The following GLG1 variants were observed in gnomAD, a reference collection of about 807,000 sequenced individuals.
GLG1 encodes the protein golgi glycoprotein 1, also known as Golgi apparatus protein 1.
Under a neutral mutation model 160.5 loss-of-function variants are expected in GLG1, and 38 were observed. The observed-to-expected ratio is 0.24, with a 90% CI of 0.18 to 0.31. The LOEUF is 0.31. Among genes scored for constraint, GLG1 ranks in the 10% least tolerant of loss-of-function variants. The pLI is 1.00. For synonymous variants in GLG1, 644 were observed against 543.4 expected (o/e 1.19, Z -2.57); for missense variants, 1,373 against 1,505.2 (o/e 0.91, Z 1.45).
chr16:74,532,209 T>G lies in GLG1; in HGVS notation c.439-56A>C, dbSNP rs182132537. 3,033 of 625,048 alleles carry G rather than the reference T, an allele frequency of 4.9e-3. 75 individuals carry two copies. In the African/African-American group the frequency reaches 0.053, roughly 11 times the overall value. 38.7% of individuals were successfully genotyped at this position (625,048 alleles called of 1,614,324 possible). On this transcript the variant is annotated intron_variant, in intron 1 of 25. Coordinates refer to ENST00000422840, the MANE Select transcript of GLG1 (RefSeq NM_001145667.2). ...AAAAAAAAAAATATATATATATATA[T>G]ATAGAGAACCTTTCAAGTTTTCAAA...
chr16:74,592,206 G>T (rs1401318438), intron 1 of GLG1, among the ~76,000 whole-genome samples: 1 of 152,142 alleles, frequency 6.6e-6, no homozygotes, highest in Admixed American at 6.5e-5. Context: ...GCAATAGAGC[G>T]ATCTTGGCTC....
chr16:74,603,231 G>GA (rs1958485318), intron 1 of GLG1, among the ~76,000 whole-genome samples: 1 of 151,948 alleles, frequency 6.6e-6, no homozygotes, highest in Non-Finnish European at 1.5e-5. Flanking sequence ...CCAACATGGT[G>GA]AAACTCTGTC....
intron 11 of GLG1, among the ~76,000 whole-genome samples, chr16:74,478,834 G>A: frequency 6.7e-6 from 1 of 148,496 alleles, no homozygotes. Context: ...CGGAGATTGT[G>A]GTGAGCCGAG....
intron 22 of GLG1, among the ~76,000 whole-genome samples, 184 bp from the exon 23 acceptor site, chr16:74,459,973 A>AG (rs903351215): frequency 2.6e-5 from 4 of 151,250 alleles, no homozygotes; most frequent in Non-Finnish European, 5.9e-5. Context: ...CTCCTGCCTC[A>AG]GCCTCTTGAG....
intron 3 of GLG1, among the ~76,000 whole-genome samples, chr16:74,506,572 A>T (rs1226835186): frequency 1.1e-5 from 1 of 94,186 alleles, no homozygotes; most frequent in Non-Finnish European, 2.2e-5. Flanking sequence ...ACAGAGCAAG[A>T]CTCCGTCTCA....
Position 74,607,091 on chromosome 16 carries a change from C to G in GLG1, c.4G>C (p.Ala2Pro), listed in dbSNP as rs1597394728. The change falls in exon 1 of 26, where the codon GCG becomes CCG. Residue 2 changes from alanine to proline, a missense_variant. Ala to Pro is a conservative substitution (Grantham distance 27). This residue lies in a region of GLG1 where 322 missense variants were observed against 254.6 expected (regional missense o/e 1.26). Coordinates refer to ENST00000422840, the MANE Select transcript of GLG1 (RefSeq NM_001145667.2). M[A>P]ACGRVRRMFR... is the part of the protein sequence containing the mutation. ...ATCCTCCGTACACGTCCACACGCCG[C>G]CATCTTGAGTCCGCGGCGAGCTCGA... 6.5e-7 allele frequency: 1 copy of G among 1,539,066 alleles called. No individual in the cohort carries two copies. The highest frequency in any genetic ancestry group is 1.2e-5 in the South Asian group (1 of 85,024).
intron 1 of GLG1, among the ~76,000 whole-genome samples, chr16:74,570,099 G>T (rs955130825): frequency 6.6e-6 from 1 of 151,146 alleles, no homozygotes; most frequent in Non-Finnish European, 1.5e-5. Context: ...AAGACAAATG[G>T]TTTTTGCTCC....
chr16:74,606,638 C>T lies in GLG1; in HGVS notation c.438+19G>A, dbSNP rs773018545. On this transcript the variant is annotated intron_variant, in intron 1 of 25. Transcript: ENST00000422840. ...CCCGCACCAGGCCTGGCCCTCCCGG[C>T]TTCGTCCCACCTCCTCACCTCCCTC... 1 of 1,535,822 alleles carries T rather than the reference C, an allele frequency of 6.5e-7. No homozygotes were observed. The highest frequency in any genetic ancestry group is 2.0e-5 in the Admixed American group (1 of 49,034).
intron 22 of GLG1, 83 bp downstream of exon 22, chr16:74,462,011 G>C: frequency 2.8e-6 from 2 of 727,060 alleles, no homozygotes; most frequent in Non-Finnish European, 4.9e-6. Context: ...CACGGCTGAA[G>C]GGAGAGAAAG....
At chr16:74,455,162 T>TC (rs2014484451) in intron 25 of GLG1, among the ~76,000 whole-genome samples, 1 of 152,200 alleles carries the variant, frequency 6.6e-6, no homozygotes, top group South Asian at 2.1e-4. Context: ...TCCACTGCTT[T>TC]CCCTAACGGA....
In GLG1 at chr16:74,509,163, ATTTTTTTTTT is replaced by A. The variant is rs11295055; in HGVS notation, c.472-248_472-239del. 1.0e-4 allele frequency among the ~76,000 whole-genome samples: 9 copies of A among 89,642 alleles called. No individual in the cohort carries two copies. The South Asian group carries it at 2.2e-3, about 22-fold the overall frequency. The allele number at this position is 89,642 out of a possible 152,430, so 58.8% of individuals were successfully genotyped here. A position where few individuals can be genotyped will look rare whatever the true frequency, so the allele number is the denominator to read the frequency against. On this transcript the variant is annotated intron_variant, in intron 2 of 25. Transcript: ENST00000422840. ...TTTTTGTCGTTTTTACTAAAGGACA[ATTTTTTTTTT>A]TTTTTTTTTTTTTTTTGAGACAGAG... is the stretch of plus-strand genomic sequence containing the variant.
chr16:74,541,680 A>C (rs1456164088), intron 1 of GLG1, among the ~76,000 whole-genome samples: 1 of 152,226 alleles, frequency 6.6e-6, no homozygotes, highest in African/African-American at 2.4e-5. Flanking sequence ...CTCTGTATAA[A>C]ATCTAACCAT....
intron 18 of GLG1, among the ~76,000 whole-genome samples, chr16:74,466,498 C>T (rs1050653022): frequency 6.6e-6 from 1 of 152,152 alleles, no homozygotes; most frequent in East Asian, 1.9e-4. Context: ...CATGAGACTT[C>T]CGGGAAATCG....
At chr16:74,529,018 G>A (rs978707681) in intron 2 of GLG1, among the ~76,000 whole-genome samples, 1 of 149,200 alleles carries the variant, frequency 6.7e-6, no homozygotes, top group Non-Finnish European at 1.5e-5. Flanking sequence ...CCAGGCTGGA[G>A]TGCAGTGGTA....
chr16:74,487,434 G>A (rs2015832257), intron 8 of GLG1, among the ~76,000 whole-genome samples: 1 of 149,214 alleles, frequency 6.7e-6, no homozygotes, highest in Non-Finnish European at 1.5e-5. Flanking sequence ...AGGAAATAAA[G>A]GAAAAAACCA....
At position 74,519,174 on chromosome 16, in the gene GLG1, T is replaced by C. The variant is rs916699667; in HGVS notation, c.472-10249A>G. Among the ~76,000 whole-genome samples, 18 of 152,328 alleles carry C rather than the reference T, an allele frequency of 1.2e-4. 2 individuals carry two copies. Among genetic ancestry groups the C allele is most frequent in the African/African-American group, 7.2e-5 (3 of 41,578 alleles). On this transcript the variant is annotated intron_variant, in intron 2 of 25. Transcript: ENST00000422840. ...GCAGCCATAAAAAAGGATGAGTTCA[T>C]GTCTTTTGCAGGGACATGGATGAAG...
At chr16:74,462,806 G>A in intron 20 of GLG1, 176 bp from the exon 21 acceptor site, 1 of 637,188 alleles carries the variant, frequency 1.6e-6, no homozygotes, top group Admixed American at 2.9e-5. Context: ...TCAGCAATAT[G>A]ACTTGTTAAC....
chr16:74,506,073 T>C (rs1419408129), intron 3 of GLG1, among the ~76,000 whole-genome samples: 4 of 132,012 alleles, frequency 3.0e-5, no homozygotes, highest in East Asian at 2.2e-4. Flanking sequence ...CTGTATTTCC[T>C]GGAAAAGATT....
chr16:74,561,569 T>C (rs2018515200), intron 1 of GLG1, among the ~76,000 whole-genome samples: 1 of 152,064 alleles, frequency 6.6e-6, no homozygotes, highest in Non-Finnish European at 1.5e-5. Context: ...ATTAACTGAA[T>C]ACTAAGAAAA....
Sources: gnomAD v4.1 joint callset for allele counts (sites outside exome capture counted in the v4.1 genomes callset) on GRCh38, gnomAD v4.1.1 for gene constraint, gnomAD v4.1.1 regional missense constraint, MANE v1.5 for transcripts, NCBI Gene and HGNC (gene_info 2026-07-23, HGNC 2026-07-21) for gene names.